The following CLSTN2 variants were observed in gnomAD, a reference collection of about 807,000 sequenced individuals.
The protein encoded by CLSTN2 is calsyntenin 2.
Under a neutral mutation model 101.2 loss-of-function variants are expected in CLSTN2, and 48 were observed. The ratio of observed to expected loss-of-function variants is 0.47; its 90% CI spans 0.38 to 0.60. The LOEUF (loss-of-function observed/expected upper bound fraction) is 0.60, where lower values mean the gene tolerates loss of function less well. Ranked by LOEUF, CLSTN2 falls within the 20% of genes least tolerant of loss-of-function variation. CLSTN2 has a pLI of 0.00. For missense variants in CLSTN2, 1,160 were observed against 1,238.2 expected (o/e 0.94, Z 0.95); for synonymous variants, 481 against 463.6 (o/e 1.04, Z -0.48).
At chr3:140,036,975 C>T (rs573723946) in intron 1 of CLSTN2, among the ~76,000 whole-genome samples, 1 of 151,948 alleles carries the variant, frequency 6.6e-6, no homozygotes, top group Non-Finnish European at 1.5e-5. Context: ...AAACATAATT[C>T]CTGTACCCTG....
intron 2 of CLSTN2, among the ~76,000 whole-genome samples, chr3:140,228,243 C>T (rs2086340603): frequency 6.6e-6 from 1 of 152,146 alleles, no homozygotes; most frequent in African/African-American, 2.4e-5. Context: ...CTGCCAGATA[C>T]CCTAAATCAT....
chr3:140,095,735 G>A (rs9790156), intron 1 of CLSTN2, among the ~76,000 whole-genome samples: 15,070 of 152,226 alleles, frequency 0.099, 1,076 homozygotes, highest in East Asian at 0.27. Flanking sequence ...GAGGAAGAGT[G>A]CTTGGAAGCA....
intron 1 of CLSTN2, among the ~76,000 whole-genome samples, chr3:140,063,314 A>G (rs111892777): frequency 0.027 from 4,127 of 152,250 alleles, 210 homozygotes; most frequent in African/African-American, 0.093. Context: ...CCTGGGCTAG[A>G]TGGTATTGCT....
chr3:140,431,164 C>A (rs879430096), intron 5 of CLSTN2, among the ~76,000 whole-genome samples: 1 of 152,276 alleles, frequency 6.6e-6, no homozygotes, highest in Middle Eastern at 3.4e-3. Flanking sequence ...CTAAGAGGTG[C>A]CACAACTTTC....
chr3:140,173,488 A>G (rs1264271814), intron 1 of CLSTN2, among the ~76,000 whole-genome samples: 1 of 152,188 alleles, frequency 6.6e-6, no homozygotes, highest in Non-Finnish European at 1.5e-5. Flanking sequence ...GGTCTGGAAG[A>G]CAGTGGCTCT....
chr3:140,320,740 G>A (rs973730822), intron 2 of CLSTN2, among the ~76,000 whole-genome samples: 10 of 152,076 alleles, frequency 6.6e-5, no homozygotes, highest in African/African-American at 2.4e-4. Flanking sequence ...CAAGTTCATT[G>A]TTAGCTGGAG....
chr3:140,499,803 A>G (rs1020001208), intron 8 of CLSTN2, among the ~76,000 whole-genome samples: 1 of 152,086 alleles, frequency 6.6e-6, no homozygotes, highest in Non-Finnish European at 1.5e-5. Context: ...GGTGGCTCAC[A>G]CCTGTAATCC....
Position 140,576,287 on chromosome 3 carries a change from G to A in CLSTN2, c.*10034G>A, listed in dbSNP as rs892777435. ...GACTGCATCTGCTGAACACCCAACA[G>A]CTGTTTCTACAAGCTAAAGTTGTAG... On this transcript the variant is annotated 3_prime_UTR_variant, in exon 17 of 17. Coordinates refer to ENST00000458420, the MANE Select transcript of CLSTN2 (RefSeq NM_022131.3). The A allele has an allele frequency of 6.6e-6, 1 of 152,170 alleles. No individual in the cohort carries two copies. Among genetic ancestry groups the A allele is most frequent in the Non-Finnish European group, 1.5e-5 (1 of 68,028 alleles). The allele number at this position is 152,170 out of a possible 1,614,324, so 9.4% of individuals were successfully genotyped here.
At chr3:140,108,845 G>T (rs1029858459) in intron 1 of CLSTN2, among the ~76,000 whole-genome samples, 2 of 152,212 alleles carry the variant, frequency 1.3e-5, no homozygotes, top group Admixed American at 6.5e-5. Context: ...TTCAACCAAA[G>T]GAAAAGGATG....
At chr3:140,402,364 C>T (rs1165626920) in intron 2 of CLSTN2, among the ~76,000 whole-genome samples, 2 of 152,274 alleles carry the variant, frequency 1.3e-5, no homozygotes, top group East Asian at 3.9e-4. Flanking sequence ...AGCTTTAGCT[C>T]TGTGACATTG....
intron 1 of CLSTN2, among the ~76,000 whole-genome samples, chr3:140,167,163 A>G (rs2010147730): frequency 1.3e-5 from 2 of 152,216 alleles, no homozygotes; most frequent in South Asian, 4.1e-4. Context: ...TACATGCCAA[A>G]AAGCACTGGG....
Position 140,566,209 on chromosome 3 carries a change from A to C in CLSTN2, c.2824A>C (p.Arg942=). Residue 942 remains arginine, a synonymous_variant, in exon 17 of 17, where the codon AGG becomes CGG. Coordinates refer to ENST00000458420, the MANE Select transcript of CLSTN2 (RefSeq NM_022131.3). Reference sequence around the variant, plus strand: ...AGGCAGACATGGGCAGAATGGAGCCAGGCAAGCCCAGCTGGAGTGGGATGA... The same window carrying C: ...AGGCAGACATGGGCAGAATGGAGCCCGGCAAGCCCAGCTGGAGTGGGATGA... ...GRGRHGQNGA[R]QAQLEWDDST... 3.1e-6 allele frequency: 5 copies of C among 1,595,564 alleles called. No homozygotes were observed. Among genetic ancestry groups the C allele is most frequent in the Non-Finnish European group, 3.4e-6 (4 of 1,170,488 alleles).
chr3:140,079,162 G>T (rs184525762), intron 1 of CLSTN2, among the ~76,000 whole-genome samples: 2 of 152,018 alleles, frequency 1.3e-5, no homozygotes, highest in Non-Finnish European at 2.9e-5. Context: ...TGCCTGGTAG[G>T]TTTCCTACTT....
intron 4 of CLSTN2, among the ~76,000 whole-genome samples, chr3:140,407,389 G>C (rs913279831): frequency 3.9e-5 from 6 of 152,062 alleles, no homozygotes; most frequent in African/African-American, 1.4e-4. Flanking sequence ...ACACAATGTG[G>C]AGTCAACCTG....
intron 2 of CLSTN2, among the ~76,000 whole-genome samples, chr3:140,335,766 A>C (rs1425186137): frequency 6.6e-6 from 1 of 152,124 alleles, no homozygotes; most frequent in Non-Finnish European, 1.5e-5. Context: ...TCAATCATAC[A>C]CCTGTAATTT....
At chr3:139,936,008 G>A (rs1935013271) in intron 1 of CLSTN2, among the ~76,000 whole-genome samples, 1 of 151,952 alleles carries the variant, frequency 6.6e-6, no homozygotes, top group African/African-American at 2.4e-5. Context: ...ACTCCCCGGG[G>A]AACGTGTACC....
chr3:140,105,077 T>C (rs1312727046), intron 1 of CLSTN2, among the ~76,000 whole-genome samples: 1 of 152,260 alleles, frequency 6.6e-6, no homozygotes, highest in African/African-American at 2.4e-5. Flanking sequence ...AGTCTTGTGA[T>C]ATTTCTAGCT....
intron 2 of CLSTN2, among the ~76,000 whole-genome samples, chr3:140,346,545 A>G (rs1315567873): frequency 6.6e-6 from 1 of 152,236 alleles, no homozygotes; most frequent in Non-Finnish European, 1.5e-5. Flanking sequence ...GAGTTGTTCA[A>G]TGAACTTGTG....
chr3:140,196,990 A>C (rs993088742), intron 2 of CLSTN2, among the ~76,000 whole-genome samples: 1 of 152,212 alleles, frequency 6.6e-6, no homozygotes, highest in African/African-American at 2.4e-5. Context: ...AAGGATGATA[A>C]ATACAAATTG....
Sources: allele counts gnomAD v4.1 joint callset (sites outside exome capture counted in the v4.1 genomes callset), GRCh38; gene constraint gnomAD v4.1.1; transcripts MANE v1.5; gene names NCBI Gene and HGNC (gene_info 2026-07-23, HGNC 2026-07-21).